The following CALCR variants were observed in gnomAD, a reference collection of about 807,000 sequenced individuals.
The protein encoded by CALCR is calcitonin receptor.
Under a neutral mutation model 59.5 loss-of-function variants are expected in CALCR, and 47 were observed. The observed-to-expected ratio is 0.79, with a 90% CI of 0.63 to 1.01. The LOEUF (loss-of-function observed/expected upper bound fraction) is 1.01, where lower values mean the gene tolerates loss of function less well. Ranked by LOEUF, CALCR falls within the 50% of genes least tolerant of loss-of-function variation. The pLI is 0.00. For synonymous variants in CALCR, 213 were observed against 211.3 expected (o/e 1.01, Z -0.07); for missense variants, 566 against 597.1 (o/e 0.95, Z 0.54).
chr7:93,562,770 G>T (rs549945375), intron 2 of CALCR, among the ~76,000 whole-genome samples: 1 of 152,186 alleles, frequency 6.6e-6, no homozygotes, highest in African/African-American at 2.4e-5. Flanking sequence ...CTTCAATAAA[G>T]AATATCCTAA....
In CALCR at chr7:93,545,289, C is replaced by G. The variant is rs1789255601; in HGVS notation, c.-27+29000G>C. ...TTACATAGATTAAAAATCCTGTCCT[C>G]TGGCTGTAGAGTGCTGGTTTTGTTA... On this transcript the variant is annotated intron_variant, in intron 2 of 13. Coordinates refer to ENST00000426151, the MANE Select transcript of CALCR (RefSeq NM_001742.4). 3.3e-5 allele frequency among the ~76,000 whole-genome samples: 5 copies of G among 152,016 alleles called. No individual in the cohort carries two copies. In the South Asian group the frequency reaches 1.0e-3, roughly 32 times the overall value.
At chr7:93,570,170 T>C (rs916172517) in intron 2 of CALCR, among the ~76,000 whole-genome samples, 1 of 152,122 alleles carries the variant, frequency 6.6e-6, no homozygotes, top group Non-Finnish European at 1.5e-5. Context: ...ACATCTTAAA[T>C]ACCAGGCTGA....
At chr7:93,528,963 G>A (rs984610120) in intron 2 of CALCR, among the ~76,000 whole-genome samples, 8 of 152,098 alleles carry the variant, frequency 5.3e-5, no homozygotes, top group Non-Finnish European at 1.0e-4. Flanking sequence ...TTGTAGTAAT[G>A]GTGTGCTCTA....
chr7:93,506,876 TG>T (rs890244054), intron 2 of CALCR, among the ~76,000 whole-genome samples: 11 of 152,184 alleles, frequency 7.2e-5, no homozygotes, highest in Non-Finnish European at 1.3e-4. Flanking sequence ...ATCATGCAGG[TG>T]GGTTTTTCTC....
chr7:93,488,229 G>A (rs1165011156), intron 2 of CALCR, among the ~76,000 whole-genome samples: 1 of 151,538 alleles, frequency 6.6e-6, no homozygotes, highest in African/African-American at 2.4e-5. Flanking sequence ...GTTACCATTT[G>A]GTCTGCCTTG....
chr7:93,534,566 A>G (rs1788936527), intron 2 of CALCR, among the ~76,000 whole-genome samples: 1 of 151,824 alleles, frequency 6.6e-6, no homozygotes, highest in Non-Finnish European at 1.5e-5. Context: ...ACAAAATTCC[A>G]CTTTTACTAA....
At chr7:93,468,130 G>T (rs1800478320) in intron 7 of CALCR, among the ~76,000 whole-genome samples, 1 of 151,690 alleles carries the variant, frequency 6.6e-6, no homozygotes, top group Non-Finnish European at 1.5e-5. Flanking sequence ...CATGTAAGAT[G>T]ACAAGATAAT....
chr7:93,480,300 A>G (rs1005262328), intron 3 of CALCR, among the ~76,000 whole-genome samples: 1 of 151,798 alleles, frequency 6.6e-6, no homozygotes, highest in African/African-American at 2.4e-5. Context: ...AAAGATTTCA[A>G]TTTCTTTTGT....
chr7:93,468,824 A>AAACAAACAAACG lies in CALCR; in HGVS notation c.430-19_430-18insCGTTTGTTTGTT. ...TATGCATTCTGGAACAACAAAAAGT[A>AAACAAACAAACG]AACAAACAAACAATGAATGAATGAT... On this transcript the variant is annotated intron_variant, in intron 6 of 13. Coordinates refer to ENST00000426151, the MANE Select transcript of CALCR (RefSeq NM_001742.4). 1 of 1,152,924 alleles carries AAACAAACAAACG rather than the reference A, an allele frequency of 8.7e-7. No individual in the cohort carries two copies. Among genetic ancestry groups the AAACAAACAAACG allele is most frequent in the South Asian group, 1.4e-5 (1 of 72,032 alleles). 71.4% of individuals were successfully genotyped at this position (1,152,924 alleles called of 1,614,324 possible).
chr7:93,461,063 T>C (rs1476326861), intron 7 of CALCR, 116 bp from the exon 8 acceptor site: 4 of 825,298 alleles, frequency 4.8e-6, no homozygotes, highest in South Asian at 1.8e-5. Context: ...AAAGAACATA[T>C]AGAAGAAAGT....
chr7:93,481,064 A>G (rs1283928387), intron 3 of CALCR, among the ~76,000 whole-genome samples: 1 of 151,880 alleles, frequency 6.6e-6, no homozygotes, highest in Non-Finnish European at 1.5e-5. Flanking sequence ...TGTTTCCTCA[A>G]CCTAGGAAAC....
intron 7 of CALCR, among the ~76,000 whole-genome samples, chr7:93,463,755 C>T (rs1333295691): frequency 2.0e-5 from 3 of 151,848 alleles, no homozygotes; most frequent in South Asian, 4.1e-4. Context: ...ACAAATACGT[C>T]GCTTAAATGA....
In CALCR at chr7:93,458,664, G is replaced by A. The variant is rs575097222; in HGVS notation, c.648+2157C>T. On this transcript the variant is annotated intron_variant, in intron 8 of 13. Transcript: ENST00000426151. ...TTTGTGGGGTTGCCATAGGCTGGCC[G>A]TGTCCTAAGACAGAAGTCTTCAGTT... 3.7e-3 allele frequency among the ~76,000 whole-genome samples: 565 copies of A among 152,190 alleles called. 2 individuals carry two copies. The highest frequency in any genetic ancestry group is 0.013 in the African/African-American group (527 of 41,526).
intron 2 of CALCR, among the ~76,000 whole-genome samples, chr7:93,554,213 G>A (rs1273550699): frequency 6.6e-6 from 1 of 152,024 alleles, no homozygotes; most frequent in East Asian, 1.9e-4. Flanking sequence ...TTTTTAATAA[G>A]CCATCATGAA....
Position 93,426,464 on chromosome 7 carries a change from T to C in CALCR, c.1317A>G (p.Pro439=). Residue 439 remains proline (P), a synonymous_variant, in exon 14 of 14, where the codon CCA becomes CCG. Coordinates refer to ENST00000426151, the MANE Select transcript of CALCR (RefSeq NM_001742.4). ...AAAAAEAGDI[P]IYICHQELRN... is the part of the protein sequence containing the mutation. ...TCAGCTCCTGATGGCAGATGTAAAT[T>C]GGGATGTCGCCAGCCTCCGCAGCAG... 6.2e-7 allele frequency: 1 copy of C among 1,613,938 alleles called. No individual in the cohort carries two copies. The highest frequency in any genetic ancestry group is 8.5e-7 in the Non-Finnish European group (1 of 1,179,852).
At chr7:93,482,936 G>A (rs1166697667) in intron 3 of CALCR, 2 of 506,566 alleles carry the variant, frequency 3.9e-6, no homozygotes, top group Admixed American at 2.2e-5. Context: ...CACTGAAGAT[G>A]GAATTTTCCC....
At chr7:93,571,219 T>A (rs978521486) in intron 2 of CALCR, among the ~76,000 whole-genome samples, 1 of 152,190 alleles carries the variant, frequency 6.6e-6, no homozygotes, top group Admixed American at 6.5e-5. Flanking sequence ...TGTCAAGAAA[T>A]GATGCTTTTA....
chr7:93,449,681 G>T (rs1800072253), intron 8 of CALCR, among the ~76,000 whole-genome samples: 1 of 151,998 alleles, frequency 6.6e-6, no homozygotes, highest in Non-Finnish European at 1.5e-5. Context: ...AACAAGAGCT[G>T]CTTATCTATG....
intron 2 of CALCR, among the ~76,000 whole-genome samples, chr7:93,502,607 T>A (rs1396751241): frequency 6.6e-6 from 1 of 152,050 alleles, no homozygotes; most frequent in Non-Finnish European, 1.5e-5. Flanking sequence ...TTGACTAAGG[T>A]TTTTTTCCTC....
Sources: allele counts gnomAD v4.1 joint callset (sites outside exome capture counted in the v4.1 genomes callset), GRCh38; gene constraint gnomAD v4.1.1; transcripts MANE v1.5; gene names NCBI Gene and HGNC (gene_info 2026-07-23, HGNC 2026-07-21).